KRT80: variants seen among roughly 807,000 people sequenced by gnomAD.
KRT80 encodes the protein keratin, type II cytoskeletal 80.
Under a neutral mutation model 51.5 loss-of-function variants are expected in KRT80, and 36 were observed. The observed-to-expected ratio is 0.70, with a 90% CI of 0.54 to 0.92. The LOEUF is 0.92. KRT80 is among the 40% of genes least tolerant of loss of function. The pLI, the probability that KRT80 is intolerant of heterozygous loss-of-function variation, is 0.00. For missense variants in KRT80, 566 were observed against 591.7 expected, an observed-to-expected ratio of 0.96 and a Z score of 0.45; for synonymous variants, 235 against 248.3, an observed-to-expected ratio of 0.95 and a Z score of 0.50.
chr12:52,188,444 G>A (rs1565699995), intron 1 of KRT80, among the ~76,000 whole-genome samples: 1 of 152,200 alleles, frequency 6.6e-6, no homozygotes, highest in Non-Finnish European at 1.5e-5. Context: ...GAGACAGGCC[G>A]GACATCCCAG....
At position 52,173,056 on chromosome 12, in the gene KRT80, G is replaced by A; in HGVS notation, c.939C>T (p.Ile313=). ...NVRIQKLRSQ[I]LSVKSHCLKL... is the part of the protein sequence containing the mutation. Reference sequence around the variant, plus strand: ...TACTCACATGGCTCTTGACAGAGAGGATCTGGGACCGCAGCTTCTGGATGC... The same window carrying A: ...TACTCACATGGCTCTTGACAGAGAGAATCTGGGACCGCAGCTTCTGGATGC... Residue 313 remains isoleucine, a synonymous_variant, in exon 6 of 9, where the codon ATC becomes ATT. Coordinates refer to ENST00000394815, the MANE Select transcript of KRT80 (RefSeq NM_182507.3). 6.2e-7 allele frequency: 1 copy of A among 1,612,238 alleles called. No homozygotes were observed. The highest frequency in any genetic ancestry group is 1.1e-5 in the South Asian group (1 of 90,876).
chr12:52,183,267 C>T (rs1373931470), intron 2 of KRT80, among the ~76,000 whole-genome samples: 1 of 152,254 alleles, frequency 6.6e-6, no homozygotes, highest in Non-Finnish European at 1.5e-5. Context: ...CACTCCCAAT[C>T]CTCTGCCAGT....
intron 4 of KRT80, among the ~76,000 whole-genome samples, chr12:52,174,680 A>C (rs1941189171): frequency 6.6e-6 from 1 of 152,242 alleles, no homozygotes; most frequent in South Asian, 2.1e-4. Flanking sequence ...GGTGAGTGGC[A>C]GGGTGGGCCC....
rs150267443 is a variant in KRT80, at chr12:52,173,109, G to A, written c.886C>T (p.Arg296Cys). 118 of 1,613,398 alleles carry A rather than the reference G, an allele frequency of 7.3e-5. 2 individuals carry two copies. Among genetic ancestry groups the A allele is most frequent in the Admixed American group, 3.2e-4 (19 of 59,978 alleles). ...ACATTGAGATCCGCGATCTCGCTGC[G>A]GCTGCTCTGGAGGCTGCTCCCATAC... ...AEYGSSLQSS[R>C]SEIADLNVRI... The change falls in exon 6 of 9, where the codon CGC (arginine) becomes TGC (cysteine). Residue 296 changes from arginine to cysteine, a missense_variant. Transcript: ENST00000394815.
At position 52,172,396 on chromosome 12, in the gene KRT80, A is replaced by G. The variant is rs775998485; in HGVS notation, c.980T>C (p.Ile327Thr). ...KSHCLKLEEN[I>T]KTAEEQGELA... ...CTCACCCTGCTCCTCAGCTGTCTTGATGTTCTCCTCCAGTTTCAGGCACTG... is the reference window on the plus strand; with the variant it reads ...CTCACCCTGCTCCTCAGCTGTCTTGGTGTTCTCCTCCAGTTTCAGGCACTG... Residue 327 changes from isoleucine to threonine, a missense_variant, in exon 7 of 9, where the codon ATC (isoleucine) becomes ACC (threonine). By Grantham distance (89) the Ile-to-Thr change is moderately conservative. Transcript: ENST00000394815. 77 of 1,613,288 alleles carry G rather than the reference A, an allele frequency of 4.8e-5. No individual in the cohort carries two copies. In the South Asian group the frequency reaches 8.3e-4, roughly 17 times the overall value.
rs781542062 is a variant in KRT80, at chr12:52,191,683, G to T, written c.220C>A (p.Pro74Thr). 3 of 1,613,638 alleles carry T rather than the reference G, an allele frequency of 1.9e-6. No homozygotes were observed. Among genetic ancestry groups the T allele is most frequent in the Non-Finnish European group, 2.5e-6 (3 of 1,179,838 alleles). The change falls in exon 1 of 9, where the codon CCC (proline) becomes ACC (threonine). Residue 74 changes from proline to threonine, a missense_variant. Physicochemically the swap from Pro to Thr is conservative, Grantham distance 38. Coordinates refer to ENST00000394815, the MANE Select transcript of KRT80 (RefSeq NM_182507.3). The stretch of plus-strand genomic sequence containing the variant: ...TGGTTCTTCAGCTGCTGAACAGCGG[G>T]GTCCAACTTGACATCCAGGGGCACC... ...LLVPLDVKLDPAVQQLKNQEK... is the reference protein window; with the variant it reads ...LLVPLDVKLDTAVQQLKNQEK...
chr12:52,177,238 T>C (rs970941856), intron 4 of KRT80, among the ~76,000 whole-genome samples: 3 of 152,128 alleles, frequency 2.0e-5, no homozygotes, highest in Admixed American at 6.5e-5. Flanking sequence ...ATTATGGTAA[T>C]TGGTAACAGT....
chr12:52,172,532 G>A lies in KRT80; in HGVS notation c.958-114C>T, dbSNP rs577852827. ...GGTAGGTGTGGGGAGGGAGGGCTGA[G>A]CAATGGCATTTCTGGGTGTGGTAAC... On this transcript the variant is annotated intron_variant, in intron 6 of 8. Transcript: ENST00000394815. 3.8e-5 allele frequency: 35 copies of A among 909,402 alleles called. 1 individual carries two copies. The South Asian group carries it at 5.9e-4, about 15-fold the overall frequency. 56.3% of individuals were successfully genotyped at this position (909,402 alleles called of 1,614,324 possible).
rs762366407 is a variant in KRT80 at position 52,173,140 on chromosome 12, C to T, written c.855G>A (p.Ser285=). 37 of 1,611,038 alleles carry T rather than the reference C, an allele frequency of 2.3e-5. No homozygotes were observed. The highest frequency in any genetic ancestry group is 5.5e-5 in the South Asian group (5 of 90,720). ...RSQLEEQAAR[S]AEYGSSLQSS... ...TCTGGAGGCTGCTCCCATACTCGGCCGAGCGGGCGGCCTGCTCCTCCAGCT... is the reference window on the plus strand; with the variant it reads ...TCTGGAGGCTGCTCCCATACTCGGCTGAGCGGGCGGCCTGCTCCTCCAGCT... The change falls in exon 6 of 9, where the codon TCG becomes TCA. Residue 285 remains serine, a synonymous_variant. Coordinates refer to ENST00000394815, the MANE Select transcript of KRT80 (RefSeq NM_182507.3).
chr12:52,182,530 G>A (rs572598660), intron 2 of KRT80, among the ~76,000 whole-genome samples: 4 of 152,204 alleles, frequency 2.6e-5, no homozygotes, highest in African/African-American at 9.7e-5. Context: ...TTAAATGGGG[G>A]CAATTCACAG....
Position 52,168,996 on chromosome 12 carries a change from T to C in KRT80, c.*2402A>G, listed in dbSNP as rs1446825972. ...AAAGAAAGAAATCCCTGAGACTTGG[T>C]AATTTATAAAGAAAAGACATTTATT... is the stretch of plus-strand genomic sequence containing the variant. On this transcript the variant is annotated 3_prime_UTR_variant, in exon 9 of 9. Coordinates refer to ENST00000394815, the MANE Select transcript of KRT80 (RefSeq NM_182507.3). 1 of 152,162 alleles carries C rather than the reference T, an allele frequency of 6.6e-6. No individual in the cohort carries two copies. The highest frequency in any genetic ancestry group is 1.5e-5 in the Non-Finnish European group (1 of 68,088). 9.4% of individuals were successfully genotyped at this position (152,162 alleles called of 1,614,324 possible).
intron 2 of KRT80, among the ~76,000 whole-genome samples, chr12:52,184,451 A>G (rs1941371122): frequency 6.6e-6 from 1 of 152,238 alleles, no homozygotes; most frequent in South Asian, 2.1e-4. Flanking sequence ...TCAGTTCAGC[A>G]AACCTGTGTC....
chr12:52,172,328 C>T lies in KRT80; in HGVS notation c.1048G>A (p.Ala350Thr). The T allele has an allele frequency of 1.2e-6, 2 of 1,614,212 alleles. No individual in the cohort carries two copies. The highest frequency in any genetic ancestry group is 8.5e-7 in the Non-Finnish European group (1 of 1,180,036). The part of the protein sequence containing the change: ...DAKTKLAQLE[A>T]ALQQAKQDMA... ...TCCTGCTTGGCCTGCTGCAGGGCGG[C>T]CTCCAGCTGGGCCAGCTTGGTCTTG... Residue 350 changes from alanine to threonine, a missense_variant, in exon 7 of 9, where the codon GCC (alanine) becomes ACC (threonine). By Grantham distance (58) the Ala-to-Thr change is moderately conservative. Transcript: ENST00000394815.
chr12:52,181,594 G>T (rs1941321709), intron 2 of KRT80, among the ~76,000 whole-genome samples: 1 of 152,202 alleles, frequency 6.6e-6, no homozygotes, highest in Admixed American at 6.5e-5. Context: ...GTGTACAGGG[G>T]GCTGACAAAC....
intron 4 of KRT80, among the ~76,000 whole-genome samples, chr12:52,178,333 T>C (rs1941266256): frequency 3.3e-5 from 5 of 152,236 alleles, no homozygotes; most frequent in Admixed American, 6.5e-5. Context: ...GAGACAACCC[T>C]GTGAGGCACT....
At chr12:52,186,509 T>C (rs1941409188) in intron 1 of KRT80, among the ~76,000 whole-genome samples, 1 of 152,126 alleles carries the variant, frequency 6.6e-6, no homozygotes, top group Non-Finnish European at 1.5e-5. Flanking sequence ...TGGGTACTAT[T>C]ATAAGCTGTA....
chr12:52,171,520 C>T lies in KRT80; in HGVS notation c.1237G>A (p.Ala413Thr). ...GCCTTGGAGAGGCCTGATCTGGAGGCAGCTACAGGGAACATAAGGGGTAGG... is the reference window on the plus strand; with the variant it reads ...GCCTTGGAGAGGCCTGATCTGGAGGTAGCTACAGGGAACATAAGGGGTAGG... ...SAVQSRCKTA[A>T]SRSGLSKAPS... The change falls in exon 9 of 9, where the codon GCC becomes ACC. Residue 413 changes from alanine to threonine, a missense_variant and splice_region_variant. Transcript: ENST00000394815. 1.9e-6 allele frequency: 3 copies of T among 1,613,382 alleles called. No homozygotes were observed. Among genetic ancestry groups the T allele is most frequent in the Non-Finnish European group, 2.5e-6 (3 of 1,179,684 alleles).
chr12:52,187,775 G>T (rs956758696), intron 1 of KRT80, among the ~76,000 whole-genome samples: 1 of 152,102 alleles, frequency 6.6e-6, no homozygotes, highest in Admixed American at 6.5e-5. Context: ...AGCGTTGGGG[G>T]GGCAGGTATC....
chr12:52,187,296 G>A (rs547914454), intron 1 of KRT80, among the ~76,000 whole-genome samples: 39 of 152,356 alleles, frequency 2.6e-4, no homozygotes, highest in African/African-American at 8.7e-4. Flanking sequence ...CGTAGCCTGC[G>A]AGAGCTGCCA....
Sources: allele counts gnomAD v4.1 joint callset (sites outside exome capture counted in the v4.1 genomes callset), GRCh38; gene constraint gnomAD v4.1.1; transcripts MANE v1.5; gene names NCBI Gene and HGNC (gene_info 2026-07-23, HGNC 2026-07-21).